Variants in FAR2 observed in about 807,000 individuals in gnomAD.
FAR2 encodes the protein fatty acyl-CoA reductase 2, also known as epididymis secretory protein Li 81.
FAR2 carries 19 observed loss-of-function variants against 56.0 expected under a neutral mutation model. That is an observed-to-expected ratio of 0.34 (90% CI 0.24 to 0.50). The LOEUF (loss-of-function observed/expected upper bound fraction) is 0.50. Ranked by LOEUF, FAR2 falls within the 20% of genes least tolerant of loss-of-function variation. The pLI, the probability that FAR2 is intolerant of heterozygous loss-of-function variation, is 0.98. For missense variants in FAR2, 508 were observed against 642.2 expected (o/e 0.79, Z 2.26); for synonymous variants, 219 against 218.8 (o/e 1.00, Z -0.01).
At chr12:29,263,884 G>C (rs894903621) in intron 1 of FAR2, among the ~76,000 whole-genome samples, 3 of 151,828 alleles carry the variant, frequency 2.0e-5, no homozygotes, top group African/African-American at 7.3e-5. Flanking sequence ...GACATCTAAA[G>C]AAGAACAAAT....
At chr12:29,319,051 C>T (rs779108175) in intron 9 of FAR2, among the ~76,000 whole-genome samples, 3 of 150,518 alleles carry the variant, frequency 2.0e-5, no homozygotes, top group Non-Finnish European at 4.4e-5. Flanking sequence ...AGTGCAGTGG[C>T]GAGATCTCAG....
chr12:29,250,415 T>G (rs1345815808), intron 1 of FAR2, among the ~76,000 whole-genome samples: 3 of 152,162 alleles, frequency 2.0e-5, no homozygotes, highest in Non-Finnish European at 4.4e-5. Context: ...TCTCAGATCT[T>G]TAGAGATTCA....
chr12:29,242,907 T>C (rs1179985091), intron 1 of FAR2, among the ~76,000 whole-genome samples: 1 of 152,188 alleles, frequency 6.6e-6, no homozygotes, highest in Admixed American at 6.5e-5. Context: ...TCTGTAAAAA[T>C]GGGTATAATA....
Position 29,297,141 on chromosome 12 carries a change from C to A in FAR2, c.486C>A (p.His162Gln). ...STAYSNCNLK[H>Q]IDEVIYPCPV... Reference sequence around the variant, plus strand: ...CCTATTCAAATTGTAACCTGAAGCACATCGATGAAGTTATCTATCCGTGCC... The same window carrying A: ...CCTATTCAAATTGTAACCTGAAGCAAATCGATGAAGTTATCTATCCGTGCC... Residue 162 changes from histidine (H) to glutamine (Q), a missense_variant, in exon 4 of 12, where the codon CAC becomes CAA. Physicochemically the swap from His to Gln is conservative, Grantham distance 24. Transcript: ENST00000536681. The A allele has an allele frequency of 6.2e-7, 1 of 1,614,026 alleles. No homozygotes were observed. The highest frequency in any genetic ancestry group is 2.2e-5 in the East Asian group (1 of 44,874).
intron 1 of FAR2, among the ~76,000 whole-genome samples, chr12:29,181,008 A>G (rs982547726): frequency 2.0e-5 from 3 of 152,106 alleles, no homozygotes; most frequent in African/African-American, 7.2e-5. Context: ...TAATCAATAT[A>G]TGTTGTATCT....
rs1348346711 is a variant in FAR2, at chr12:29,164,069, T to C, written c.-39+14662T>C. On this transcript the variant is annotated intron_variant, in intron 1 of 11. Transcript: ENST00000536681. ...CTAAGGGGCTGTACTGAGAAGTAAA[T>C]GAGTTCGTGTGTGTTACCTGCTTAG... is the stretch of plus-strand genomic sequence containing the variant. Among the ~76,000 whole-genome samples the C allele has an allele frequency of 2.0e-5, 3 of 152,298 alleles. No homozygotes were observed. The East Asian group carries it at 5.8e-4, about 29-fold the overall frequency.
chr12:29,262,633 A>G (rs1019463850), intron 1 of FAR2, among the ~76,000 whole-genome samples: 1 of 151,180 alleles, frequency 6.6e-6, no homozygotes, highest in Non-Finnish European at 1.5e-5. Flanking sequence ...TCCATCTTCA[A>G]AAAATAAGTA....
intron 1 of FAR2, among the ~76,000 whole-genome samples, chr12:29,199,747 A>T (rs1565689917): frequency 1.3e-5 from 2 of 152,206 alleles, no homozygotes; most frequent in Non-Finnish European, 2.9e-5. Context: ...TGTGGAAGCG[A>T]CACACGTGAA....
At chr12:29,190,017 C>T (rs551906015) in intron 1 of FAR2, among the ~76,000 whole-genome samples, 2 of 152,158 alleles carry the variant, frequency 1.3e-5, no homozygotes, top group African/African-American at 4.8e-5. Flanking sequence ...AAGGACAACT[C>T]ATGGATTGGA....
intron 1 of FAR2, among the ~76,000 whole-genome samples, chr12:29,216,521 G>A (rs1255436080): frequency 6.6e-6 from 1 of 152,124 alleles, no homozygotes; most frequent in Non-Finnish European, 1.5e-5. Context: ...TTTTAAGCCT[G>A]ATTCAGAAAG....
intron 1 of FAR2, among the ~76,000 whole-genome samples, chr12:29,195,026 G>T (rs1950133942): frequency 6.6e-6 from 1 of 152,158 alleles, no homozygotes. Flanking sequence ...AGCCTTTTTG[G>T]ATTCCAGCAT....
intron 1 of FAR2, among the ~76,000 whole-genome samples, chr12:29,183,414 G>A (rs1950010631): frequency 6.6e-6 from 1 of 151,990 alleles, no homozygotes; most frequent in African/African-American, 2.4e-5. Flanking sequence ...TCATTTGATT[G>A]TCTCGAAGAG....
chr12:29,235,053 GTTGTAC>G (rs1276407040), intron 1 of FAR2, among the ~76,000 whole-genome samples: 1 of 152,142 alleles, frequency 6.6e-6, no homozygotes, highest in African/African-American at 2.4e-5. Context: ...TGATCTAAGT[GTTGTAC>G]TTGTATTGAC....
At chr12:29,250,908 G>A (rs1465705513) in intron 1 of FAR2, among the ~76,000 whole-genome samples, 1 of 152,184 alleles carries the variant, frequency 6.6e-6, no homozygotes, top group African/African-American at 2.4e-5. Context: ...TCCTGTCACT[G>A]AATTGGAAAA....
intron 1 of FAR2, among the ~76,000 whole-genome samples, chr12:29,194,737 C>T (rs1343356580): frequency 3.3e-5 from 5 of 152,000 alleles, no homozygotes; most frequent in South Asian, 2.1e-4. Flanking sequence ...GTGTATGATT[C>T]GAACTTACTG....
chr12:29,193,424 A>G (rs1299109544), intron 1 of FAR2, among the ~76,000 whole-genome samples: 2 of 152,140 alleles, frequency 1.3e-5, no homozygotes, highest in Non-Finnish European at 2.9e-5. Context: ...CCTAACCCCT[A>G]GCAACCACTG....
intron 2 of FAR2, 36 bp from the exon 3 acceptor site, chr12:29,293,264 C>T (rs774231789): frequency 3.5e-6 from 5 of 1,440,016 alleles, no homozygotes; most frequent in Non-Finnish European, 4.6e-6. Context: ...AATGATGGTG[C>T]TATTTTTTGT....
rs2136837826 is a variant in FAR2 at position 29,335,359 on chromosome 12, A to G, written c.*1565A>G. The G allele has an allele frequency of 6.6e-6, 1 of 152,278 alleles. No homozygotes were observed. The highest frequency in any genetic ancestry group is 2.1e-4 in the South Asian group (1 of 4,824). 9.4% of individuals were successfully genotyped at this position (152,278 alleles called of 1,614,324 possible). On this transcript the variant is annotated 3_prime_UTR_variant, in exon 12 of 12. Transcript: ENST00000536681. ...TGGGAAATATTTTCCATAGCAGACA[A>G]CCCAGCTCTGAAACTAAGCACCTGG...
intron 1 of FAR2, among the ~76,000 whole-genome samples, chr12:29,174,162 G>A (rs1591831123): frequency 6.6e-6 from 1 of 152,258 alleles, no homozygotes; most frequent in East Asian, 1.9e-4. Flanking sequence ...TGAATAGGAA[G>A]GATATCATTT....
Sources: allele counts gnomAD v4.1 joint callset (sites outside exome capture counted in the v4.1 genomes callset), GRCh38; gene constraint gnomAD v4.1.1; transcripts MANE v1.5; gene names NCBI Gene and HGNC (gene_info 2026-07-23, HGNC 2026-07-21).